Variants in CCDC63 observed in about 807,000 individuals in gnomAD.
The protein encoded by CCDC63 is coiled-coil domain containing 63.
In CCDC63, 54 loss-of-function variants were observed where a neutral mutation model predicts 63.6. The ratio of observed to expected loss-of-function variants is 0.85; its 90% CI spans 0.68 to 1.07. The LOEUF is 1.07. Ranked by LOEUF, CCDC63 falls within the 50% of genes least tolerant of loss-of-function variation. CCDC63 has a pLI of 0.00. For synonymous variants in CCDC63, 253 were observed against 266.1 expected, an observed-to-expected ratio of 0.95 and a Z score of 0.48; for missense variants, 637 against 689.6, an observed-to-expected ratio of 0.92 and a Z score of 0.86.
intron 10 of CCDC63, among the ~76,000 whole-genome samples, chr12:110,901,783 C>G (rs140196105): frequency 1.3e-5 from 2 of 152,158 alleles, no homozygotes; most frequent in Admixed American, 1.3e-4. Context: ...TGTACATATA[C>G]ATCATGTATA....
chr12:110,865,627 C>T (rs921767199), intron 4 of CCDC63, among the ~76,000 whole-genome samples: 2 of 152,132 alleles, frequency 1.3e-5, no homozygotes, highest in African/African-American at 2.4e-5. Flanking sequence ...AATAGTGTTG[C>T]GGGTGACACA....
chr12:110,901,403 T>A (rs1034527389), intron 10 of CCDC63, among the ~76,000 whole-genome samples: 1 of 152,210 alleles, frequency 6.6e-6, no homozygotes, highest in African/African-American at 2.4e-5. Flanking sequence ...ATTTTTATTT[T>A]TTTTTGTAGA....
intron 5 of CCDC63, among the ~76,000 whole-genome samples, chr12:110,874,951 T>G (rs1456802615): frequency 1.3e-5 from 2 of 152,216 alleles, no homozygotes; most frequent in African/African-American, 4.8e-5. Flanking sequence ...CATTCCAGTC[T>G]GGTTTGTGAA....
rs546394782 is a variant in CCDC63, at chr12:110,848,997, A to G, written c.-97+1892A>G. Among the ~76,000 whole-genome samples, 19 of 152,190 alleles carry G rather than the reference A, an allele frequency of 1.2e-4. No homozygotes were observed. The South Asian group carries it at 3.7e-3, about 30-fold the overall frequency. On this transcript the variant is annotated intron_variant, in intron 1 of 11. Transcript: ENST00000308208. ...TACAGCTTCTACTCCTACCTGGAGG[A>G]CCCTTCCAGAAATGATCAAGATACA...
intron 8 of CCDC63, among the ~76,000 whole-genome samples, chr12:110,890,053 G>A (rs2071336811): frequency 6.6e-6 from 1 of 151,994 alleles, no homozygotes; most frequent in Non-Finnish European, 1.5e-5. Context: ...AGCACTTTGG[G>A]AGGCCGAGGT....
At chr12:110,856,851 T>C (rs1228467056) in intron 3 of CCDC63, among the ~76,000 whole-genome samples, 2 of 148,338 alleles carry the variant, frequency 1.3e-5, no homozygotes, top group Non-Finnish European at 3.0e-5. Flanking sequence ...TTTCTTTTTT[T>C]TTTTTTTTTT....
intron 5 of CCDC63, among the ~76,000 whole-genome samples, chr12:110,876,084 T>C (rs1314144955): frequency 7.0e-6 from 1 of 142,882 alleles, no homozygotes. Flanking sequence ...CCAGTCTGGA[T>C]GACAGAGTGA....
intron 11 of CCDC63, 93 bp downstream of exon 11, chr12:110,904,884 C>A: frequency 2.0e-6 from 2 of 995,614 alleles, no homozygotes; most frequent in Non-Finnish European, 2.9e-6. Flanking sequence ...AGAGGGTCTG[C>A]AGTGTTGAAC....
At chr12:110,867,126 T>C (rs1593655100) in intron 4 of CCDC63, among the ~76,000 whole-genome samples, 1 of 118,730 alleles carries the variant, frequency 8.4e-6, no homozygotes, top group Non-Finnish European at 1.8e-5. Context: ...GCAGGGGGGC[T>C]GACCCCCCCC....
At chr12:110,859,096 C>T (rs1038915946) in intron 4 of CCDC63, among the ~76,000 whole-genome samples, 9 of 152,168 alleles carry the variant, frequency 5.9e-5, no homozygotes, top group South Asian at 2.1e-4. Context: ...CACCCCCTCA[C>T]GCATTCTTAG....
chr12:110,880,988 G>A (rs1593675232), intron 6 of CCDC63, 127 bp from the exon 7 acceptor site: 3 of 827,508 alleles, frequency 3.6e-6, no homozygotes, highest in South Asian at 2.3e-5. Context: ...TTTACACACC[G>A]AGAAACCTTT....
chr12:110,896,354 C>T (rs1323164538), intron 9 of CCDC63, among the ~76,000 whole-genome samples: 1 of 152,104 alleles, frequency 6.6e-6, no homozygotes, highest in Non-Finnish European at 1.5e-5. Flanking sequence ...AAATTTGCAG[C>T]CCTGGGAACT....
chr12:110,880,078 A>G lies in CCDC63; in HGVS notation c.662A>G (p.Tyr221Cys), dbSNP rs1469308510. 1.2e-6 allele frequency: 2 copies of G among 1,613,856 alleles called. No homozygotes were observed. The highest frequency in any genetic ancestry group is 1.7e-6 in the Non-Finnish European group (2 of 1,179,944). ...NLAIEQSSQA[Y>C]EQRVEAMARM... ...GCCATTGAGCAATCTTCTCAGGCCTATGAGCAGAGGTGGGCTGGGGATAGG... is the reference window on the plus strand; with the variant it reads ...GCCATTGAGCAATCTTCTCAGGCCTGTGAGCAGAGGTGGGCTGGGGATAGG... Residue 221 changes from tyrosine to cysteine, a missense_variant, in exon 6 of 12, where the codon TAT becomes TGT. Physicochemically the swap from Tyr to Cys is radical, Grantham distance 194 (BLOSUM62 -2). Coordinates refer to ENST00000308208, the MANE Select transcript of CCDC63 (RefSeq NM_152591.3).
rs79905945 is a variant in CCDC63 at position 110,875,555 on chromosome 12, A to G, written c.489+1594A>G. Among the ~76,000 whole-genome samples the G allele has an allele frequency of 3.0e-3, 449 of 151,802 alleles. 2 individuals carry two copies. The highest frequency in any genetic ancestry group is 0.011 in the African/African-American group (437 of 41,366). On this transcript the variant is annotated intron_variant, in intron 5 of 11. Coordinates refer to ENST00000308208, the MANE Select transcript of CCDC63 (RefSeq NM_152591.3). ...AGGTCTGCTTTTTTGTTCTAAGTCT[A>G]TTCAGATGTTCTATTCTTCTCGAGT...
At chr12:110,867,451 T>C (rs1352150107) in intron 4 of CCDC63, among the ~76,000 whole-genome samples, 1 of 99,230 alleles carries the variant, frequency 1.0e-5, no homozygotes, top group Admixed American at 9.7e-5. Flanking sequence ...GCTGAGGGGC[T>C]CCTCACTTCC....
At chr12:110,860,040 C>T (rs900022002) in intron 4 of CCDC63, among the ~76,000 whole-genome samples, 1 of 152,190 alleles carries the variant, frequency 6.6e-6, no homozygotes, top group African/African-American at 2.4e-5. Flanking sequence ...ACCCAGAGCA[C>T]CCCCAGCAGG....
chr12:110,857,518 T>C (rs61944268), intron 3 of CCDC63, among the ~76,000 whole-genome samples: 1,735 of 152,286 alleles, frequency 0.011, 15 homozygotes, highest in Non-Finnish European at 0.014. Context: ...TCTGATCCAA[T>C]TGGTCTCAGG....
intron 4 of CCDC63, among the ~76,000 whole-genome samples, chr12:110,870,235 C>A (rs866019166): frequency 3.9e-5 from 6 of 152,252 alleles, no homozygotes; most frequent in Middle Eastern, 6.8e-3. Flanking sequence ...GCGCCCACCA[C>A]CATGCCTGGC....
intron 1 of CCDC63, among the ~76,000 whole-genome samples, chr12:110,848,594 T>C (rs1037101363): frequency 1.3e-5 from 2 of 152,162 alleles, no homozygotes; most frequent in East Asian, 3.8e-4. Context: ...AATGATCTCA[T>C]GGGCCAGACA....
Sources: gnomAD v4.1 joint callset for allele counts (sites outside exome capture counted in the v4.1 genomes callset) on GRCh38, gnomAD v4.1.1 for gene constraint, MANE v1.5 for transcripts, NCBI Gene and HGNC (gene_info 2026-07-23, HGNC 2026-07-21) for gene names.